PHLPP1: variants seen among roughly 807,000 people sequenced by gnomAD.
The protein encoded by PHLPP1 is PH domain and leucine rich repeat protein phosphatase 1.
PHLPP1 carries 42 observed loss-of-function variants against 117.2 expected under a neutral mutation model. The ratio of observed to expected loss-of-function variants is 0.36; its 90% confidence interval spans 0.28 to 0.46. The LOEUF is 0.46. Ranked by LOEUF, PHLPP1 falls within the 20% of genes least tolerant of loss-of-function variation. PHLPP1 has a pLI of 1.00. For synonymous variants in PHLPP1, 1,042 were observed against 970.7 expected, an observed-to-expected ratio of 1.07 and a Z score of -1.37; for missense variants, 2,084 against 2,241.9, an observed-to-expected ratio of 0.93 and a Z score of 1.42.
chr18:62,769,062 A>G (rs1243700921), intron 1 of PHLPP1, among the ~76,000 whole-genome samples: 1 of 150,576 alleles, frequency 6.6e-6, no homozygotes, highest in African/African-American at 2.5e-5. Context: ...AATAATAAAG[A>G]TAGACTAAGT....
rs1185762784 is a variant in PHLPP1, at chr18:62,717,162, A to G, written c.1479A>G (p.Gln493=). The change falls in exon 1 of 17, where the codon CAA becomes CAG. Residue 493 remains glutamine, a synonymous_variant. Coordinates refer to ENST00000262719, the MANE Select transcript of PHLPP1 (RefSeq NM_194449.4). ...CGGAGGAGAAGCCATTGCAGATCCAAAATGACTACCTCTTCCAACTGGGAT... is the reference window on the plus strand; with the variant it reads ...CGGAGGAGAAGCCATTGCAGATCCAGAATGACTACCTCTTCCAACTGGGAT... ...LEAEEKPLQI[Q]NDYLFQLGFG... 1.7e-5 allele frequency: 27 copies of G among 1,613,238 alleles called. No homozygotes were observed. Among genetic ancestry groups the G allele is most frequent in the Non-Finnish European group, 2.2e-5 (26 of 1,179,766 alleles).
chr18:62,828,450 T>C (rs919679049), intron 1 of PHLPP1, among the ~76,000 whole-genome samples: 3 of 152,212 alleles, frequency 2.0e-5, no homozygotes, highest in Non-Finnish European at 4.4e-5. Flanking sequence ...AGTGTAGCTG[T>C]TTGCTGGGCA....
intron 4 of PHLPP1, among the ~76,000 whole-genome samples, chr18:62,868,106 G>A (rs1335421639): frequency 6.6e-6 from 1 of 152,052 alleles, no homozygotes; most frequent in Non-Finnish European, 1.5e-5. Context: ...CACTGTGCCC[G>A]GCCATATGTG....
chr18:62,801,699 G>A (rs1205397930), intron 1 of PHLPP1, among the ~76,000 whole-genome samples: 1 of 152,122 alleles, frequency 6.6e-6, no homozygotes, highest in African/African-American at 2.4e-5. Context: ...TGGTCCGCCT[G>A]CCTCTGCCTC....
At chr18:62,902,716 C>T (rs1390264529) in intron 6 of PHLPP1, among the ~76,000 whole-genome samples, 1 of 152,056 alleles carries the variant, frequency 6.6e-6, no homozygotes, top group Admixed American at 6.6e-5. Flanking sequence ...TGTGCTTATT[C>T]CTCTCCCAGC....
chr18:62,869,937 G>T (rs372903898), intron 4 of PHLPP1, among the ~76,000 whole-genome samples: 1 of 152,048 alleles, frequency 6.6e-6, no homozygotes, highest in South Asian at 2.1e-4. Context: ...GCCCAGGCTG[G>T]AGTGCAGTGG....
chr18:62,749,174 G>T (rs949965439), intron 1 of PHLPP1, among the ~76,000 whole-genome samples: 1 of 150,392 alleles, frequency 6.6e-6, no homozygotes, highest in African/African-American at 2.4e-5. Flanking sequence ...TTATTTGGTC[G>T]GCACATGTTC....
chr18:62,976,515 A>T (rs515563), intron 16 of PHLPP1, among the ~76,000 whole-genome samples: 1 of 152,080 alleles, frequency 6.6e-6, no homozygotes, highest in Non-Finnish European at 1.5e-5. Flanking sequence ...ATTTACCTTC[A>T]ATTGTGTTTG....
chr18:62,789,716 C>G (rs1245736079), intron 1 of PHLPP1, among the ~76,000 whole-genome samples: 1 of 152,076 alleles, frequency 6.6e-6, no homozygotes, highest in Non-Finnish European at 1.5e-5. Flanking sequence ...ATCCCTGATG[C>G]TGTTTGGAAT....
chr18:62,840,356 G>C (rs1459210373), intron 3 of PHLPP1, among the ~76,000 whole-genome samples: 2 of 152,152 alleles, frequency 1.3e-5, no homozygotes, highest in Non-Finnish European at 2.9e-5. Context: ...AAATGTGTAA[G>C]GCAGCACTCC....
rs1910452699 is a variant in PHLPP1 at position 62,951,351 on chromosome 18, T to C, written c.3324+6080T>C. Among the ~76,000 whole-genome samples, 3 of 152,238 alleles carry C rather than the reference T, an allele frequency of 2.0e-5. No individual in the cohort carries two copies. The South Asian group carries it at 6.2e-4, about 31-fold the overall frequency. On this transcript the variant is annotated intron_variant, in intron 12 of 16. Transcript: ENST00000262719. Reference sequence around the variant, plus strand: ...GCAGATCTTTCTAAATTCAAAGCCATGCCCATTCTAACAAAATATTGCATA... The same window carrying C: ...GCAGATCTTTCTAAATTCAAAGCCACGCCCATTCTAACAAAATATTGCATA...
chr18:62,974,117 A>C (rs1395198606), intron 15 of PHLPP1, among the ~76,000 whole-genome samples: 1 of 152,202 alleles, frequency 6.6e-6, no homozygotes, highest in African/African-American at 2.4e-5. Flanking sequence ...ACTGGGTAAG[A>C]ATTAAAAACT....
Position 62,792,868 on chromosome 18 carries a change from C to CAA in PHLPP1, c.1577-37144_1577-37143dup, listed in dbSNP as rs71160870. ...TTGGTGAGAGAGCGAGCCTCTGTCT[C>CAA]AAAAAAAAAAAAAAAAAAAAAAAAG... On this transcript the variant is annotated intron_variant, in intron 1 of 16. Transcript: ENST00000262719. Among the ~76,000 whole-genome samples the CAA allele has an allele frequency of 6.3e-3, 357 of 56,280 alleles. 7 individuals are homozygous for CAA. Among genetic ancestry groups the CAA allele is most frequent in the African/African-American group, 0.017 (223 of 12,994 alleles). The allele number at this position is 56,280 out of a possible 152,430, so 36.9% of individuals were successfully genotyped here.
At chr18:62,891,999 TG>T (rs1346014726) in intron 4 of PHLPP1, among the ~76,000 whole-genome samples, 1 of 150,788 alleles carries the variant, frequency 6.6e-6, no homozygotes, top group Admixed American at 6.6e-5. Context: ...ACTTTTTAAA[TG>T]AAAAAACAGT....
chr18:62,979,129 A>G lies in PHLPP1; in HGVS notation c.4852A>G (p.Ile1618Val), dbSNP rs766600475. The G allele has an allele frequency of 1.2e-6, 2 of 1,613,972 alleles. No individual in the cohort carries two copies. The highest frequency in any genetic ancestry group is 2.2e-5 in the South Asian group (2 of 91,078). ...RKADFSAVGT[I>V]GRRRANGSVA... ...GGCAGACTTCTCTGCCGTTGGGACC[A>G]TTGGGCGCCGGAGGGCCAATGGCTC... Residue 1618 changes from isoleucine (I) to valine (V), a missense_variant, in exon 17 of 17, where the codon ATT (isoleucine) becomes GTT (valine). This residue lies in a region of PHLPP1 where 1,365 missense variants were observed against 1,605.9 expected (regional missense o/e 0.85). Transcript: ENST00000262719.
At position 62,806,737 on chromosome 18, in the gene PHLPP1, G is replaced by C. The variant is rs927755002; in HGVS notation, c.1577-23298G>C. Reference sequence around the variant, plus strand: ...GATTAGCTTGACATCTTTTTTGAAAGACATAATTTTCTATTTATCTACATG... The same window carrying C: ...GATTAGCTTGACATCTTTTTTGAAACACATAATTTTCTATTTATCTACATG... On this transcript the variant is annotated intron_variant, in intron 1 of 16. Coordinates refer to ENST00000262719, the MANE Select transcript of PHLPP1 (RefSeq NM_194449.4). Among the ~76,000 whole-genome samples, 3 of 152,206 alleles carry C rather than the reference G, an allele frequency of 2.0e-5. No homozygotes were observed. The East Asian group carries it at 5.8e-4, about 29-fold the overall frequency.
intron 14 of PHLPP1, 114 bp from the exon 15 acceptor site, chr18:62,972,400 G>T (rs574715947): frequency 1.1e-6 from 1 of 894,044 alleles, no homozygotes; most frequent in East Asian, 2.6e-5. Context: ...TAATCTGTCT[G>T]GAGTCATGAA....
At chr18:62,767,832 C>CTCT (rs1250812985) in intron 1 of PHLPP1, among the ~76,000 whole-genome samples, 2 of 152,110 alleles carry the variant, frequency 1.3e-5, no homozygotes, top group African/African-American at 2.4e-5. Flanking sequence ...AAATAGAGTA[C>CTCT]AATAGCAGAA....
intron 1 of PHLPP1, among the ~76,000 whole-genome samples, chr18:62,735,489 G>A (rs1911345633): frequency 1.3e-5 from 2 of 152,004 alleles, no homozygotes; most frequent in African/African-American, 4.8e-5. Context: ...TTGGCTTGTA[G>A]CCATTAGAAT....
Sources: allele counts gnomAD v4.1 joint callset (sites outside exome capture counted in the v4.1 genomes callset), GRCh38; gene constraint gnomAD v4.1.1; regional missense constraint gnomAD v4.1.1; transcripts MANE v1.5; gene names NCBI Gene and HGNC (gene_info 2026-07-23, HGNC 2026-07-21).